Variants in ERAP2 observed in about 807,000 individuals in gnomAD.
The protein encoded by ERAP2 is endoplasmic reticulum aminopeptidase 2, also known as leukocyte-derived arginine aminopeptidase.
In ERAP2, 118 loss-of-function variants were observed where a neutral mutation model predicts 111.1. The ratio of observed to expected loss-of-function variants is 1.06; its 90% CI spans 0.92 to 1.24. The LOEUF (loss-of-function observed/expected upper bound fraction) is 1.24, where lower values mean the gene tolerates loss of function less well. Among genes scored for constraint, ERAP2 ranks in the 50% most tolerant of loss-of-function variants. The pLI is 0.00. For missense variants in ERAP2, 1,131 were observed against 1,125.8 expected (o/e 1.00, Z -0.07); for synonymous variants, 410 against 401.2 (o/e 1.02, Z -0.26).
chr5:96,905,551 T>C (rs1316172336), intron 13 of ERAP2, among the ~76,000 whole-genome samples: 1 of 152,204 alleles, frequency 6.6e-6, no homozygotes, highest in South Asian at 2.1e-4. Context: ...CTCAATACTA[T>C]AAACCACTTT....
chr5:96,917,470 AT>A lies in ERAP2; in HGVS notation c.2754del (p.Phe918LeufsTer21). 3 of 1,610,646 alleles carry A rather than the reference AT, an allele frequency of 1.9e-6. No homozygotes were observed. The highest frequency in any genetic ancestry group is 2.5e-6 in the Non-Finnish European group (3 of 1,178,874). ...SKDKLQEVKL[F>X]FESLEAQGSH... ...TCTTCAATATTTTACAGGTGAAACT[AT>A]TTTTTGAATCTCTTGAGGCTCAAGG... On this transcript the variant is annotated frameshift_variant, in exon 19 of 19. Coordinates refer to ENST00000437043, the MANE Select transcript of ERAP2 (RefSeq NM_022350.5). LOFTEE classifies it high-confidence loss of function.
intron 13 of ERAP2, among the ~76,000 whole-genome samples, chr5:96,907,893 A>AT (rs1786271642): frequency 2.2e-5 from 3 of 135,866 alleles, no homozygotes; most frequent in Non-Finnish European, 4.8e-5. Flanking sequence ...CAAAAAAAAA[A>AT]AATATATATA....
intron 2 of ERAP2, chr5:96,881,381 T>G (rs1203695929): frequency 2.0e-5 from 9 of 455,448 alleles, no homozygotes; most frequent in Admixed American, 1.4e-4. Flanking sequence ...CAACAGAGAT[T>G]GCTGACATAT....
At chr5:96,895,210 T>C in intron 6 of ERAP2, 36 bp from the exon 7 acceptor site, 1 of 1,273,492 alleles carries the variant, frequency 7.9e-7, no homozygotes, top group South Asian at 1.3e-5. Context: ...TTTTTATTTG[T>C]TTAACTTCTA....
intron 10 of ERAP2, among the ~76,000 whole-genome samples, chr5:96,900,718 C>T (rs1194991003): frequency 6.6e-6 from 1 of 152,020 alleles, no homozygotes; most frequent in African/African-American, 2.4e-5. Context: ...ACTCTGTTGC[C>T]CAGGCTGGAG....
intron 3 of ERAP2, 35 bp downstream of exon 3, chr5:96,883,965 CT>C: frequency 6.5e-7 from 1 of 1,544,974 alleles, no homozygotes; most frequent in Non-Finnish European, 8.7e-7. Context: ...AGAAATTGTT[CT>C]CAAGTTGAGA....
At chr5:96,908,174 T>C (rs1004898977) in intron 13 of ERAP2, among the ~76,000 whole-genome samples, 5 of 152,144 alleles carry the variant, frequency 3.3e-5, no homozygotes, top group African/African-American at 1.2e-4. Context: ...CTGGAATCAG[T>C]TTCCACATCA....
chr5:96,899,276 G>A (rs1785194508), intron 9 of ERAP2, among the ~76,000 whole-genome samples: 1 of 152,108 alleles, frequency 6.6e-6, no homozygotes, highest in Admixed American at 6.6e-5. Flanking sequence ...CTAGTTCCTA[G>A]TTTTAAGAAA....
At position 96,889,188 on chromosome 5, in the gene ERAP2, T is replaced by C. The variant is rs1234853736; in HGVS notation, c.853T>C (p.Ser285Pro). The C allele has an allele frequency of 2.5e-6, 4 of 1,613,980 alleles. No homozygotes were observed. Among genetic ancestry groups the C allele is most frequent in the Non-Finnish European group, 3.4e-6 (4 of 1,179,948 alleles). Residue 285 changes from serine (S) to proline (P), a missense_variant, in exon 5 of 19, where the codon TCC becomes CCC. Physicochemically the swap from Ser to Pro is moderately conservative, Grantham distance 74. This residue lies in a region of ERAP2 where 847 missense variants were observed against 856.5 expected (regional missense o/e 0.99). Coordinates refer to ENST00000437043, the MANE Select transcript of ERAP2 (RefSeq NM_022350.5). ...TCTTCTGATCCACATTTCCCAGGTGTCCATCTATGCATCCCCAGACAAACG... is the reference window on the plus strand; with the variant it reads ...TCTTCTGATCCACATTTCCCAGGTGCCCATCTATGCATCCCCAGACAAACG... ...SGFTSSGVKV[S>P]IYASPDKRNQ...
chr5:96,916,728 G>GA (rs1191323756), intron 18 of ERAP2, among the ~76,000 whole-genome samples: 1 of 150,662 alleles, frequency 6.6e-6, no homozygotes. Context: ...TTGGCCTCCC[G>GA]AAGTGCTGGG....
chr5:96,914,990 T>C (rs940085641), intron 17 of ERAP2, among the ~76,000 whole-genome samples: 1 of 152,086 alleles, frequency 6.6e-6, no homozygotes, highest in Non-Finnish European at 1.5e-5. Context: ...CCTTAACATA[T>C]GCATATAATT....
chr5:96,900,602 A>G (rs1344802961), intron 10 of ERAP2, among the ~76,000 whole-genome samples: 3 of 152,196 alleles, frequency 2.0e-5, no homozygotes, highest in African/African-American at 7.2e-5. Context: ...AAAGAAAGTC[A>G]TCACAGGGGA....
Position 96,891,499 on chromosome 5 carries a change from G to GTA in ERAP2, c.971-784_971-783dup, listed in dbSNP as rs373623665. ...TATATATATATGTGTGTGTGTGTGTGTATATATATATATATATGCCCATAT... is the reference window on the plus strand; with the variant it reads ...TATATATATATGTGTGTGTGTGTGTGTATATATATATATATATATGCCCATAT... On this transcript the variant is annotated intron_variant, in intron 5 of 18. Coordinates refer to ENST00000437043, the MANE Select transcript of ERAP2 (RefSeq NM_022350.5). Among the ~76,000 whole-genome samples the GTA allele has an allele frequency of 1.2e-3, 167 of 140,070 alleles. 2 individuals are homozygous for GTA. Among genetic ancestry groups the GTA allele is most frequent in the East Asian group, 4.7e-3 (23 of 4,860 alleles). The allele number at this position is 140,070 out of a possible 152,430, so 91.9% of individuals were successfully genotyped here. A position where few individuals can be genotyped will look rare whatever the true frequency, so the allele number is the denominator to read the frequency against.
intron 3 of ERAP2, 132 bp downstream of exon 3, chr5:96,884,062 CTATCTATCTATCTATCT>C: frequency 9.2e-6 from 6 of 649,788 alleles, no homozygotes; most frequent in Non-Finnish European, 1.5e-5. Context: ...ATCTATCTAT[CTATCTATCTATCTATCT>C]ATCATCATAA....
chr5:96,917,522 G>C lies in ERAP2; in HGVS notation c.2800G>C (p.Val934Leu). ...QGSHLDIFQT[V>L]LETITKNIKW... ...ATCACATCTGGATATTTTTCAAACT[G>C]TTCTGGAAACGATAACCAAAAATAT... The change falls in exon 19 of 19, where the codon GTT (valine) becomes CTT (leucine). Residue 934 changes from valine (V) to leucine (L), a missense_variant. Val to Leu is a conservative substitution (Grantham distance 32). This residue lies in a region of ERAP2 where 279 missense variants were observed against 250.9 expected (regional missense o/e 1.11). Coordinates refer to ENST00000437043, the MANE Select transcript of ERAP2 (RefSeq NM_022350.5). 1 of 1,613,878 alleles carries C rather than the reference G, an allele frequency of 6.2e-7. No homozygotes were observed. Among genetic ancestry groups the C allele is most frequent in the Non-Finnish European group, 8.5e-7 (1 of 1,179,862 alleles).
chr5:96,882,981 G>C (rs1783312616), intron 2 of ERAP2, among the ~76,000 whole-genome samples: 1 of 152,116 alleles, frequency 6.6e-6, no homozygotes, highest in African/African-American at 2.4e-5. Context: ...TAACTGTACA[G>C]TTTCAGGCAT....
chr5:96,890,844 T>A (rs1182138739), intron 5 of ERAP2, among the ~76,000 whole-genome samples: 6 of 152,214 alleles, frequency 3.9e-5, no homozygotes, highest in African/African-American at 1.4e-4. Context: ...AATTCACTGC[T>A]GTACTTTAGA....
chr5:96,896,599 T>C, intron 8 of ERAP2, 95 bp downstream of exon 8: 2 of 1,479,778 alleles, frequency 1.4e-6, no homozygotes, highest in Admixed American at 2.3e-5. Flanking sequence ...CAGTTCCTGC[T>C]ACTTGTTTCA....
chr5:96,896,023 T>C (rs535427354), intron 7 of ERAP2, among the ~76,000 whole-genome samples: 3 of 152,198 alleles, frequency 2.0e-5, no homozygotes, highest in Non-Finnish European at 2.9e-5. Flanking sequence ...ATATACCATA[T>C]CTCCCTTGCA....
Sources: allele counts gnomAD v4.1 joint callset (sites outside exome capture counted in the v4.1 genomes callset), GRCh38; gene constraint gnomAD v4.1.1; regional missense constraint gnomAD v4.1.1; transcripts MANE v1.5; gene names NCBI Gene and HGNC (gene_info 2026-07-23, HGNC 2026-07-21).